ADCY1: variants seen among roughly 807,000 people sequenced by gnomAD.
ADCY1 encodes the protein adenylate cyclase type 1.
ADCY1 carries 28 observed loss-of-function variants against 105.4 expected under a neutral mutation model. The ratio of observed to expected loss-of-function variants is 0.27; its 90% CI spans 0.20 to 0.36. ADCY1 has a LOEUF of 0.36. Among genes scored for constraint, ADCY1 ranks in the 10% least tolerant of loss-of-function variants. The probability of loss-of-function intolerance (pLI) is 1.00; values close to 1 mark genes in which losing one functional copy is unlikely to be tolerated. For missense variants in ADCY1, 977 were observed against 1,434.2 expected (o/e 0.68, Z 5.15); for synonymous variants, 655 against 623.8 (o/e 1.05, Z -0.75).
intron 4 of ADCY1, among the ~76,000 whole-genome samples, chr7:45,634,427 T>A (rs1230491166): frequency 1.6e-5 from 1 of 60,984 alleles, no homozygotes; most frequent in East Asian, 4.2e-4. Flanking sequence ...TTTGCTGAGT[T>A]TTTTTTTTTT....
intron 19 of ADCY1, among the ~76,000 whole-genome samples, chr7:45,712,024 T>TTATATTAAATATATATTTTA (rs1562736169): frequency 2.5e-5 from 3 of 119,742 alleles, no homozygotes; most frequent in Admixed American, 1.0e-4. Flanking sequence ...ATTTTATATA[T>TTATATTAAATATATATTTTA]TATACTAAAT....
chr7:45,579,975 C>G (rs1437479508), intron 1 of ADCY1, among the ~76,000 whole-genome samples: 1 of 151,634 alleles, frequency 6.6e-6, no homozygotes, highest in African/African-American at 2.4e-5. Flanking sequence ...CCCTCGCCCC[C>G]ATTTTTGTTT....
At chr7:45,626,849 T>C (rs902033620) in intron 4 of ADCY1, among the ~76,000 whole-genome samples, 3 of 152,174 alleles carry the variant, frequency 2.0e-5, no homozygotes. Flanking sequence ...CCTAGTGCAC[T>C]AATGCCACCA....
intron 14 of ADCY1, among the ~76,000 whole-genome samples, chr7:45,697,325 G>A (rs947088906): frequency 2.0e-5 from 3 of 151,810 alleles, no homozygotes; most frequent in African/African-American, 7.3e-5. Context: ...TCTCCCAGGG[G>A]CAGGACCAGC....
chr7:45,585,881 G>T (rs1347757664), intron 1 of ADCY1, among the ~76,000 whole-genome samples: 3 of 152,280 alleles, frequency 2.0e-5, no homozygotes, highest in South Asian at 4.1e-4. Context: ...GTGGGTGGGG[G>T]TGGACAAGCT....
intron 2 of ADCY1, among the ~76,000 whole-genome samples, chr7:45,595,043 T>G (rs1320250874): frequency 6.6e-6 from 1 of 152,240 alleles, no homozygotes; most frequent in African/African-American, 2.4e-5. Context: ...GTCTGACATT[T>G]AGATACCACG....
At chr7:45,602,915 C>A (rs750884451) in intron 2 of ADCY1, among the ~76,000 whole-genome samples, 29 of 151,770 alleles carry the variant, frequency 1.9e-4, no homozygotes, top group Non-Finnish European at 3.1e-4. Flanking sequence ...TTTTATTATC[C>A]CCCAAAGACA....
chr7:45,633,782 CAG>C (rs1471535044), intron 4 of ADCY1, among the ~76,000 whole-genome samples: 71 of 116,712 alleles, frequency 6.1e-4, no homozygotes, highest in African/African-American at 2.4e-3. Context: ...AGCCTGGTGA[CAG>C]AGTGAGACAT....
Position 45,708,053 on chromosome 7 carries a change from C to T in ADCY1, c.2818-297C>T, listed in dbSNP as rs1053572838. ...TCATTTGCAATGGCCATTAGCAACGCTGTCCAAGCAGGAGTTTGAGCACCT... is the reference window on the plus strand; with the variant it reads ...TCATTTGCAATGGCCATTAGCAACGTTGTCCAAGCAGGAGTTTGAGCACCT... On this transcript the variant is annotated intron_variant, in intron 17 of 19. Transcript: ENST00000297323. The surrounding 1 kb of genome is among the most constrained non-coding windows in gnomAD (Gnocchi z 4.7). 6.6e-6 allele frequency among the ~76,000 whole-genome samples: 1 copy of T among 152,172 alleles called. No homozygotes were observed. The highest frequency in any genetic ancestry group is 2.4e-5 in the African/African-American group (1 of 41,448).
intron 19 of ADCY1, among the ~76,000 whole-genome samples, chr7:45,712,249 A>AG (rs1470227693): frequency 8.4e-6 from 1 of 118,586 alleles, no homozygotes; most frequent in African/African-American, 2.7e-5. Context: ...ATATACTTAC[A>AG]CCTTTTTTTT....
chr7:45,620,352 G>T (rs973290006), intron 3 of ADCY1, among the ~76,000 whole-genome samples: 13 of 152,014 alleles, frequency 8.6e-5, no homozygotes, highest in Non-Finnish European at 8.8e-5. Context: ...AAAAGAATTA[G>T]TGAACTTGAT....
intron 14 of ADCY1, among the ~76,000 whole-genome samples, chr7:45,689,167 G>T (rs971357285): frequency 1.3e-5 from 2 of 151,886 alleles, no homozygotes; most frequent in Non-Finnish European, 2.9e-5. Flanking sequence ...TCGCCCTTTG[G>T]CCTCTCCCGG....
rs141367514 is a variant in ADCY1 at position 45,582,024 on chromosome 7, TCA to T, written c.639+6846_639+6847del. Among the ~76,000 whole-genome samples, 1,308 of 152,174 alleles carry T rather than the reference TCA, an allele frequency of 8.6e-3. 76 individuals are homozygous for T. In the East Asian group the frequency reaches 0.13, roughly 15 times the overall value. ...TGCACTTACACATTCACATGCGCCC[TCA>T]CACTCATTTTGTACCTACACACTAG... is the stretch of plus-strand genomic sequence containing the variant. On this transcript the variant is annotated intron_variant, in intron 1 of 19. Coordinates refer to ENST00000297323, the MANE Select transcript of ADCY1 (RefSeq NM_021116.4).
chr7:45,707,287 T>C (rs1455062444), intron 17 of ADCY1, among the ~76,000 whole-genome samples: 1 of 152,220 alleles, frequency 6.6e-6, no homozygotes, highest in East Asian at 1.9e-4. Context: ...GCAAACTAGG[T>C]ATCCTTCAGT....
intron 1 of ADCY1, among the ~76,000 whole-genome samples, chr7:45,586,740 GA>G (rs1792737970): frequency 6.6e-6 from 1 of 152,234 alleles, no homozygotes; most frequent in Non-Finnish European, 1.5e-5. Flanking sequence ...CAGGGAGGGG[GA>G]CAGAGGGACC....
intron 5 of ADCY1, among the ~76,000 whole-genome samples, chr7:45,656,430 C>A (rs549388681): frequency 2.0e-5 from 3 of 152,202 alleles, no homozygotes; most frequent in Non-Finnish European, 4.4e-5. Context: ...GGTTTCTGAA[C>A]GTGTGCTGGG....
intron 7 of ADCY1, among the ~76,000 whole-genome samples, chr7:45,660,465 G>A (rs555355796): frequency 1.3e-5 from 2 of 152,326 alleles, no homozygotes; most frequent in South Asian, 2.1e-4. Flanking sequence ...GGCCTTCACT[G>A]CCTCCCCTGC....
At chr7:45,667,949 G>A (rs1174643942) in intron 8 of ADCY1, among the ~76,000 whole-genome samples, 2 of 152,164 alleles carry the variant, frequency 1.3e-5, no homozygotes, top group African/African-American at 2.4e-5. Context: ...TGGTGTATAA[G>A]AATGCTTGTG....
chr7:45,600,318 A>C (rs1399850407), intron 2 of ADCY1, among the ~76,000 whole-genome samples: 1 of 152,346 alleles, frequency 6.6e-6, no homozygotes, highest in African/African-American at 2.4e-5. Flanking sequence ...TGAGGGACTC[A>C]GCACACACAG....
Sources: gnomAD v4.1 joint callset for allele counts (sites outside exome capture counted in the v4.1 genomes callset) on GRCh38, gnomAD v4.1.1 for gene constraint, Gnocchi (gnomAD v3.1) non-coding constraint, MANE v1.5 for transcripts, NCBI Gene and HGNC (gene_info 2026-07-23, HGNC 2026-07-21) for gene names.